ATF7IP2: variants seen among roughly 807,000 people sequenced by gnomAD.
The protein encoded by ATF7IP2 is activating transcription factor 7 interacting protein 2.
A neutral mutation model predicts 64.2 loss-of-function variants in ATF7IP2; 42 were observed. That is an observed-to-expected ratio of 0.65 (90% CI 0.51 to 0.85). ATF7IP2 has a LOEUF of 0.85. Among genes scored for constraint, ATF7IP2 ranks in the 40% least tolerant of loss-of-function variants. The probability of loss-of-function intolerance (pLI) is 0.00; values close to 1 mark genes in which losing one functional copy is unlikely to be tolerated. For missense variants in ATF7IP2, 933 were observed against 784.2 expected (o/e 1.19, Z -2.27); for synonymous variants, 308 against 272.8 (o/e 1.13, Z -1.27).
intron 1 of ATF7IP2, among the ~76,000 whole-genome samples, chr16:10,394,773 A>C (rs993914869): frequency 6.6e-6 from 1 of 152,248 alleles, no homozygotes; most frequent in African/African-American, 2.4e-5. Context: ...CAAAGAAATC[A>C]TGAGGTTAAT....
intron 1 of ATF7IP2, among the ~76,000 whole-genome samples, chr16:10,388,564 T>C (rs2047253684): frequency 1.3e-5 from 2 of 152,226 alleles, no homozygotes; most frequent in Non-Finnish European, 2.9e-5. Context: ...TAGTACTCTT[T>C]ACTAAGGAGA....
At position 10,482,285 on chromosome 16, in the gene ATF7IP2, A is replaced by G; in HGVS notation, c.*36A>G. The G allele has an allele frequency of 6.9e-7, 1 of 1,445,314 alleles. No individual in the cohort carries two copies. The highest frequency in any genetic ancestry group is 9.4e-7 in the Non-Finnish European group (1 of 1,065,986). The allele number at this position is 1,445,314 out of a possible 1,614,324, so 89.5% of individuals were successfully genotyped here. A position where few individuals can be genotyped will look rare whatever the true frequency, so the allele number is the denominator to read the frequency against. ...ATAATGATATACTACTTTTTTTTTC[A>G]TATTTGTTTGTTTGCAATGTTACTG... is the stretch of plus-strand genomic sequence containing the variant. On this transcript the variant is annotated 3_prime_UTR_variant, in exon 14 of 14. Coordinates refer to ENST00000562102, the MANE Select transcript of ATF7IP2 (RefSeq NM_001393719.1).
chr16:10,386,361 G>A (rs1229828064), intron 1 of ATF7IP2: 2 of 152,516 alleles, frequency 1.3e-5, no homozygotes, highest in East Asian at 3.9e-4. Flanking sequence ...AGGGATACTG[G>A]TGAAGCGGGA....
chr16:10,480,961 C>G lies in ATF7IP2; in HGVS notation c.1632C>G (p.Val544=), dbSNP rs769608716. 42 of 1,600,032 alleles carry G rather than the reference C, an allele frequency of 2.6e-5. No homozygotes were observed. Among genetic ancestry groups the G allele is most frequent in the Non-Finnish European group, 3.5e-5 (41 of 1,167,646 alleles). The part of the protein sequence containing the change: ...KETTPLAQNA[V]QVPESFEHLP... The stretch of plus-strand genomic sequence containing the variant: ...CAACCCCATTGGCACAAAATGCAGT[C>G]CAGGTACTGAATCAAAGTGCTCTGT... Residue 544 remains valine, a synonymous_variant, in exon 13 of 14, where the codon GTC becomes GTG. Transcript: ENST00000562102.
chr16:10,387,824 T>TCCC (rs5815573), intron 1 of ATF7IP2: 2 of 130,584 alleles, frequency 1.5e-5, no homozygotes, highest in African/African-American at 3.0e-5. Flanking sequence ...TCTATTTTAC[T>TCCC]CCCCCCCCCT....
intron 9 of ATF7IP2, among the ~76,000 whole-genome samples, chr16:10,465,654 G>A (rs2049541272): frequency 6.7e-6 from 1 of 149,638 alleles, no homozygotes; most frequent in Non-Finnish European, 1.5e-5. Flanking sequence ...CAGGAGAATT[G>A]CTTGAACCTG....
chr16:10,481,519 A>G lies in ATF7IP2; in HGVS notation c.1636-317A>G, dbSNP rs567361987. 4.5e-4 allele frequency among the ~76,000 whole-genome samples: 68 copies of G among 152,354 alleles called. 3 individuals are homozygous for G. In the East Asian group the frequency reaches 0.013, roughly 29 times the overall value. On this transcript the variant is annotated intron_variant, in intron 13 of 13. Transcript: ENST00000562102. The stretch of plus-strand genomic sequence containing the variant: ...AGGCTGGTCTCAAACTCCTGACCTC[A>G]GGTGAGGCAATGCACCCAGCCATGC...
At chr16:10,479,095 A>G (rs2050117829) in intron 12 of ATF7IP2, among the ~76,000 whole-genome samples, 1 of 151,022 alleles carries the variant, frequency 6.6e-6, no homozygotes, top group African/African-American at 2.4e-5. Flanking sequence ...CAGTGTGGCA[A>G]TTCCTCAGGG....
At chr16:10,395,460 A>G (rs1285208611) in intron 1 of ATF7IP2, among the ~76,000 whole-genome samples, 2 of 152,302 alleles carry the variant, frequency 1.3e-5, no homozygotes, top group African/African-American at 4.8e-5. Context: ...TATTATTTGG[A>G]TACCAAAAGC....
At chr16:10,389,007 CT>C (rs2047266621) in intron 1 of ATF7IP2, among the ~76,000 whole-genome samples, 1 of 147,158 alleles carries the variant, frequency 6.8e-6, no homozygotes, top group Non-Finnish European at 1.5e-5. Flanking sequence ...GCAAGACTGT[CT>C]CAAAAAAAAA....
intron 8 of ATF7IP2, among the ~76,000 whole-genome samples, chr16:10,452,842 C>T (rs2049030193): frequency 1.3e-5 from 2 of 152,284 alleles, no homozygotes; most frequent in Non-Finnish European, 1.5e-5. Flanking sequence ...CTGCAGTGGG[C>T]TCGGCCCAGT....
In ATF7IP2 at chr16:10,431,106, T is replaced by C. The variant is rs1176876808; in HGVS notation, c.486T>C (p.Cys162=). 1.2e-6 allele frequency: 2 copies of C among 1,614,176 alleles called. No individual in the cohort carries two copies. Among genetic ancestry groups the C allele is most frequent in the Non-Finnish European group, 1.7e-6 (2 of 1,180,030 alleles). ...TRSLFEHEGA[C]SLKSSCCPPS... is the part of the protein sequence containing the mutation. The stretch of plus-strand genomic sequence containing the variant: ...CCCTTTTTGAGCATGAGGGGGCTTG[T>C]AGTCTAAAGTCCAGTTGCTGTCCAC... Residue 162 remains cysteine, a synonymous_variant, in exon 5 of 14, where the codon TGT becomes TGC. Transcript: ENST00000562102.
At chr16:10,464,571 G>T (rs1262980819) in intron 9 of ATF7IP2, among the ~76,000 whole-genome samples, 1 of 152,158 alleles carries the variant, frequency 6.6e-6, no homozygotes, top group African/African-American at 2.4e-5. Context: ...AAGTTGGAAG[G>T]AAATGCCTTT....
At chr16:10,411,570 AT>A (rs1228595766) in intron 1 of ATF7IP2, among the ~76,000 whole-genome samples, 9 of 151,944 alleles carry the variant, frequency 5.9e-5, no homozygotes, top group Non-Finnish European at 1.3e-4. Flanking sequence ...TGGTTTCACC[AT>A]GTTGGCCAGG....
chr16:10,447,907 C>G (rs899726610), intron 8 of ATF7IP2: 2 of 152,170 alleles, frequency 1.3e-5, no homozygotes, highest in African/African-American at 2.4e-5. Flanking sequence ...GGTTTTAGGT[C>G]TTATGGTTAA....
chr16:10,464,827 T>C (rs1596592134), intron 9 of ATF7IP2, among the ~76,000 whole-genome samples: 1 of 150,480 alleles, frequency 6.6e-6, no homozygotes, highest in African/African-American at 2.5e-5. Flanking sequence ...GTTGCTGCTG[T>C]TGTTGATGTT....
At chr16:10,459,217 C>T (rs1275375765) in intron 9 of ATF7IP2, among the ~76,000 whole-genome samples, 4 of 152,160 alleles carry the variant, frequency 2.6e-5, no homozygotes, top group East Asian at 1.9e-4. Flanking sequence ...GCCTTCCATC[C>T]CAGCACTTTC....
intron 9 of ATF7IP2, among the ~76,000 whole-genome samples, chr16:10,462,970 T>A (rs930591247): frequency 2.6e-5 from 4 of 152,228 alleles, no homozygotes; most frequent in Non-Finnish European, 4.4e-5. Context: ...TATTCTTAAT[T>A]TCAATTTGTA....
chr16:10,443,978 A>G (rs1317368572), intron 8 of ATF7IP2, among the ~76,000 whole-genome samples: 1 of 152,216 alleles, frequency 6.6e-6, no homozygotes, highest in Non-Finnish European at 1.5e-5. Flanking sequence ...CACGTTCCCA[A>G]GAGCTACAGG....
Sources: gnomAD v4.1 joint callset for allele counts (sites outside exome capture counted in the v4.1 genomes callset) on GRCh38, gnomAD v4.1.1 for gene constraint, MANE v1.5 for transcripts, NCBI Gene and HGNC (gene_info 2026-07-23, HGNC 2026-07-21) for gene names.